MYOM2: variants seen among roughly 807,000 people sequenced by gnomAD.
MYOM2 encodes the protein myomesin 2.
Under a neutral mutation model 187.6 loss-of-function variants are expected in MYOM2, and 254 were observed. The observed-to-expected ratio is 1.35, with a 90% CI of 1.22 to 1.50. The LOEUF (loss-of-function observed/expected upper bound fraction) is 1.50, where lower values mean the gene tolerates loss of function less well. Ranked by LOEUF, MYOM2 falls within the 40% of genes most tolerant of loss-of-function variation. The probability of loss-of-function intolerance (pLI) is 0.00; values close to 1 mark genes in which losing one functional copy is unlikely to be tolerated. For missense variants in MYOM2, 2,796 were observed against 1,924.0 expected, an observed-to-expected ratio of 1.45 and a Z score of -8.48; for synonymous variants, 981 against 753.8, an observed-to-expected ratio of 1.30 and a Z score of -4.94.
intron 10 of MYOM2, among the ~76,000 whole-genome samples, chr8:2,075,052 T>C (rs916182107): frequency 2.6e-5 from 4 of 152,240 alleles, no homozygotes; most frequent in Admixed American, 6.5e-5. Flanking sequence ...GATTACTTTT[T>C]CCATTGCATC....
chr8:2,076,060 C>G, intron 10 of MYOM2, 81 bp from the exon 11 acceptor site: 3 of 1,365,766 alleles, frequency 2.2e-6, no homozygotes, highest in Non-Finnish European at 3.0e-6. Context: ...AGAATTGGAG[C>G]TTGGAGGAGC....
At position 2,143,349 on chromosome 8, in the gene MYOM2, C is replaced by G. The variant is rs1320883682; in HGVS notation, c.4025-52C>G. 6.2e-6 allele frequency: 10 copies of G among 1,608,372 alleles called. No individual in the cohort carries two copies. In the East Asian group the frequency reaches 1.8e-4, roughly 29 times the overall value. On this transcript the variant is annotated intron_variant, in intron 35 of 36. Transcript: ENST00000262113. ...ACTGCTGCTTACATGGCTCCTGCTC[C>G]GTGGGAACGTCCCGCAGATGTTTTC... is the stretch of plus-strand genomic sequence containing the variant.
intron 10 of MYOM2, 116 bp downstream of exon 10, chr8:2,073,616 C>T (rs539697219): frequency 2.4e-6 from 3 of 1,262,082 alleles, no homozygotes; most frequent in African/African-American, 3.0e-5. Flanking sequence ...GACCACTTTG[C>T]TCCTTGGAGA....
intron 31 of MYOM2, among the ~76,000 whole-genome samples, chr8:2,124,563 C>T (rs2116863914): frequency 6.6e-6 from 1 of 152,286 alleles, no homozygotes; most frequent in African/African-American, 2.4e-5. Flanking sequence ...AATTTTTAAA[C>T]CTCTCACTTT....
rs147776183 is a variant in MYOM2 at position 2,096,274 on chromosome 8, C to T, written c.2153C>T (p.Thr718Met). Residue 718 changes from threonine to methionine, a missense_variant, in exon 18 of 37, where the codon ACG becomes ATG. Transcript: ENST00000262113. ...LTVPSHPYGI[T>M]LLNCDGHSMT... ...GTCCCGTCCCATCCTTATGGGATTA[C>T]GCTCCTCAACTGTGACGGCCACTCC... is the stretch of plus-strand genomic sequence containing the variant. The T allele has an allele frequency of 2.4e-4, 390 of 1,614,000 alleles. 1 individual carries two copies. The highest frequency in any genetic ancestry group is 3.0e-4 in the Non-Finnish European group (352 of 1,180,044).
intron 19 of MYOM2, 49 bp downstream of exon 19, chr8:2,099,032 G>C: frequency 6.5e-7 from 1 of 1,548,014 alleles, no homozygotes; most frequent in Non-Finnish European, 8.8e-7. Context: ...CAGGCTGGCT[G>C]GGAAGGGGCC....
chr8:2,061,233 G>A (rs1251147972), intron 6 of MYOM2, among the ~76,000 whole-genome samples: 10 of 151,962 alleles, frequency 6.6e-5, no homozygotes, highest in Admixed American at 5.2e-4. Context: ...GAGGGAGGGC[G>A]TCTCTGTCCC....
At position 2,057,746 on chromosome 8, in the gene MYOM2, A is replaced by G; in HGVS notation, c.526A>G (p.Thr176Ala). Residue 176 changes from threonine (T) to alanine (A), a missense_variant, in exon 5 of 37, where the codon ACC becomes GCC. Transcript: ENST00000262113. Reference protein sequence around the residue: ...WERMSVKLCFTVQGFPTPVVQ... With the variant: ...WERMSVKLCFAVQGFPTPVVQ... ...GAGGATGTCTGTGAAACTCTGCTTCACCGTGCAAGGATTTCCCACGCCCGT... is the reference window on the plus strand; with the variant it reads ...GAGGATGTCTGTGAAACTCTGCTTCGCCGTGCAAGGATTTCCCACGCCCGT... 1 of 1,614,018 alleles carries G rather than the reference A, an allele frequency of 6.2e-7. No homozygotes were observed. Among genetic ancestry groups the G allele is most frequent in the Non-Finnish European group, 8.5e-7 (1 of 1,179,986 alleles).
At chr8:2,131,054 G>C (rs1245022891) in intron 32 of MYOM2, among the ~76,000 whole-genome samples, 1 of 152,170 alleles carries the variant, frequency 6.6e-6, no homozygotes, top group African/African-American at 2.4e-5. Flanking sequence ...CTTCAGCCTT[G>C]TGTGGTTTGT....
intron 28 of MYOM2, among the ~76,000 whole-genome samples, chr8:2,120,283 T>C (rs1000409946): frequency 2.0e-4 from 31 of 152,066 alleles, no homozygotes; most frequent in African/African-American, 7.5e-4. Context: ...GTCAACCAGC[T>C]GTCTAAGTTG....
Position 2,096,230 on chromosome 8 carries a change from G to C in MYOM2, c.2126-17G>C. ...AGCTGAGGCCCTCGGTAACTCCCTGGTTGTGCTTCCTTGCAGCCGTCCCGT... is the reference window on the plus strand; with the variant it reads ...AGCTGAGGCCCTCGGTAACTCCCTGCTTGTGCTTCCTTGCAGCCGTCCCGT... On this transcript the variant is annotated splice_polypyrimidine_tract_variant and intron_variant, in intron 17 of 36. Coordinates refer to ENST00000262113, the MANE Select transcript of MYOM2 (RefSeq NM_003970.4). The C allele has an allele frequency of 1.2e-6, 2 of 1,608,168 alleles. No individual in the cohort carries two copies. The highest frequency in any genetic ancestry group is 1.7e-6 in the Non-Finnish European group (2 of 1,176,122).
intron 32 of MYOM2, among the ~76,000 whole-genome samples, chr8:2,140,454 ATAGAG>A (rs1221719546): frequency 6.6e-6 from 1 of 152,238 alleles, no homozygotes; most frequent in Non-Finnish European, 1.5e-5. Context: ...ACCATACTAT[ATAGAG>A]TAATGTTAAG....
chr8:2,116,651 A>G (rs552595820), intron 27 of MYOM2, among the ~76,000 whole-genome samples: 1 of 152,336 alleles, frequency 6.6e-6, no homozygotes, highest in African/African-American at 2.4e-5. Context: ...TTCTAACTAC[A>G]AACAATATGT....
Position 2,052,221 on chromosome 8 carries a change from C to T in MYOM2, c.171C>T (p.Ala57=), listed in dbSNP as rs1396759145. The part of the protein sequence containing the change: ...SLSQRSSSQR[A]SSQTSLGGTI... ...GTCAGCGGTCGTCTTCACAGAGAGC[C>T]TCCAGCCAGACGTCCCTGGGAGGAA... The change falls in exon 3 of 37, where the codon GCC becomes GCT. Residue 57 remains alanine (A), a synonymous_variant. Coordinates refer to ENST00000262113, the MANE Select transcript of MYOM2 (RefSeq NM_003970.4). The T allele has an allele frequency of 1.9e-6, 3 of 1,613,098 alleles. No homozygotes were observed. Among genetic ancestry groups the T allele is most frequent in the Non-Finnish European group, 2.5e-6 (3 of 1,179,714 alleles).
chr8:2,091,126 G>A (rs976683803), intron 15 of MYOM2, among the ~76,000 whole-genome samples: 5 of 140,894 alleles, frequency 3.5e-5, no homozygotes, highest in African/African-American at 1.3e-4. Context: ...CCTTTTCTCT[G>A]CAATGGTCAC....
chr8:2,116,072 A>C lies in MYOM2; in HGVS notation c.3293A>C (p.Lys1098Thr). The change falls in exon 26 of 37, where the codon AAA becomes ACA. Residue 1098 changes from lysine (K) to threonine (T), a missense_variant. Physicochemically the swap from Lys to Thr is moderately conservative, Grantham distance 78 (BLOSUM62 -1). Transcript: ENST00000262113. ...GTGCAGATTCATGATGGGAAAGCCA[A>C]AAGTCAGTCTTCTCTAGTTCTTATT... ...YTVQIHDGKAKSQSSLVLIGD... is the reference protein window; with the variant it reads ...YTVQIHDGKATSQSSLVLIGD... 2 of 1,613,910 alleles carry C rather than the reference A, an allele frequency of 1.2e-6. No individual in the cohort carries two copies. The highest frequency in any genetic ancestry group is 1.7e-6 in the Non-Finnish European group (2 of 1,179,984).
In MYOM2 at chr8:2,090,009, C is replaced by A. The variant is rs1221529583; in HGVS notation, c.1646C>A (p.Ser549Tyr). 3.1e-6 allele frequency: 5 copies of A among 1,613,314 alleles called. No homozygotes were observed. The highest frequency in any genetic ancestry group is 1.1e-5 in the South Asian group (1 of 90,996). Reference sequence around the variant, plus strand: ...TCTCGTTTCTGTTTCTCTTTGTAGTCCGTGGTGGGGAGCGGCAGCTGGCAG... The same window carrying A: ...TCTCGTTTCTGTTTCTCTTTGTAGTACGTGGTGGGGAGCGGCAGCTGGCAG... ...KDPLMYFIEKSVVGSGSWQRV... is the reference protein window; with the variant it reads ...KDPLMYFIEKYVVGSGSWQRV... Residue 549 changes from serine (S) to tyrosine (Y), a missense_variant and splice_region_variant, in exon 15 of 37, where the codon TCC (serine) becomes TAC (tyrosine). Transcript: ENST00000262113.
intron 6 of MYOM2, among the ~76,000 whole-genome samples, chr8:2,065,003 A>T (rs1818970263): frequency 6.6e-6 from 1 of 152,222 alleles, no homozygotes; most frequent in Admixed American, 6.5e-5. Context: ...ATCATCTTTG[A>T]ACTTTTGGTT....
chr8:2,055,420 A>T (rs144760411), intron 3 of MYOM2, among the ~76,000 whole-genome samples: 210 of 152,234 alleles, frequency 1.4e-3, no homozygotes, highest in African/African-American at 4.6e-3. Flanking sequence ...AGAGGTTGGG[A>T]GGAATCTACC....
Sources: gnomAD v4.1 joint callset for allele counts (sites outside exome capture counted in the v4.1 genomes callset) on GRCh38, gnomAD v4.1.1 for gene constraint, MANE v1.5 for transcripts, NCBI Gene and HGNC (gene_info 2026-07-23, HGNC 2026-07-21) for gene names.